The following COX4I1 variants were observed in gnomAD, a reference collection of about 807,000 sequenced individuals.
COX4I1 encodes the protein cytochrome c oxidase subunit 4 isoform 1, mitochondrial.
In COX4I1, 18 loss-of-function variants were observed where a neutral mutation model predicts 21.7. The ratio of observed to expected loss-of-function variants is 0.83; its 90% CI spans 0.57 to 1.23. The LOEUF (loss-of-function observed/expected upper bound fraction) is 1.23. Among genes scored for constraint, COX4I1 ranks in the 50% most tolerant of loss-of-function variants. The pLI is 0.00. For missense variants in COX4I1, 238 were observed against 220.7 expected (o/e 1.08, Z -0.50); for synonymous variants, 100 against 81.5 (o/e 1.23, Z -1.23).
rs769102627 is a variant in COX4I1 at position 85,806,897 on chromosome 16, C to T, written c.*23C>T. ...TGAGAGATGCTGGCCTGCGCCTGCA[C>T]CTGCGCCTGGCTCTGTCACCGCCAT... On this transcript the variant is annotated 3_prime_UTR_variant, in exon 5 of 5. Coordinates refer to ENST00000253452, the MANE Select transcript of COX4I1 (RefSeq NM_001861.6). 3.1e-6 allele frequency: 5 copies of T among 1,602,046 alleles called. No individual in the cohort carries two copies. In the South Asian group the frequency reaches 3.4e-5, roughly 11 times the overall value.
In COX4I1 at chr16:85,802,088, G is replaced by A. The variant is rs190440768; in HGVS notation, c.73+810G>A. Among the ~76,000 whole-genome samples the A allele has an allele frequency of 4.2e-3, 634 of 152,118 alleles. 5 individuals are homozygous for A. Among genetic ancestry groups the A allele is most frequent in the African/African-American group, 0.011 (470 of 41,492 alleles). ...TAGAGCTGGTCTTGCCTGCCTTTCC[G>A]ATCTTATTACTGACTGTTGTACTCA... is the stretch of plus-strand genomic sequence containing the variant. On this transcript the variant is annotated intron_variant, in intron 2 of 4. Coordinates refer to ENST00000253452, the MANE Select transcript of COX4I1 (RefSeq NM_001861.6).
In COX4I1 at chr16:85,799,810, G is replaced by A. The variant is rs1431737687; in HGVS notation, c.-2+58G>A. ...AGGCCGGGCCGGGTCGGGGGGCCGG[G>A]AGCCATCAAGTCTGCACGTCCGCAG... On this transcript the variant is annotated intron_variant, in intron 1 of 4. Coordinates refer to ENST00000253452, the MANE Select transcript of COX4I1 (RefSeq NM_001861.6). This position sits in a 1 kb window ranked among gnomAD's most constrained non-coding sequence, Gnocchi z 4.2. 6.5e-6 allele frequency: 1 copy of A among 153,066 alleles called. No homozygotes were observed. The highest frequency in any genetic ancestry group is 1.5e-5 in the Non-Finnish European group (1 of 68,786). The allele number at this position is 153,066 out of a possible 1,614,324, so 9.5% of individuals were successfully genotyped here. A position where few individuals can be genotyped will look rare whatever the true frequency, so the allele number is the denominator to read the frequency against.
At position 85,806,871 on chromosome 16, in the gene COX4I1, G is replaced by A; in HGVS notation, c.507G>A (p.Lys169=). Residue 169 remains lysine (K), a synonymous_variant, in exon 5 of 5, where the codon AAG becomes AAA. Transcript: ENST00000253452. ...ACTACGAAAAGAACGAGTGGAAGAA[G>A]TGAGAGATGCTGGCCTGCGCCTGCA... ...KWDYEKNEWK[K] The A allele has an allele frequency of 6.2e-7, 1 of 1,613,160 alleles. No homozygotes were observed. The highest frequency in any genetic ancestry group is 8.5e-7 in the Non-Finnish European group (1 of 1,179,408).
intron 3 of COX4I1, chr16:85,805,490 G>T: frequency 1.7e-6 from 1 of 582,944 alleles, no homozygotes; most frequent in Non-Finnish European, 3.0e-6. Context: ...AAATAATTTT[G>T]CAGTTTTAAT....
intron 2 of COX4I1, among the ~76,000 whole-genome samples, chr16:85,802,701 G>T (rs1905866428): frequency 6.6e-6 from 1 of 152,242 alleles, no homozygotes; most frequent in Admixed American, 6.5e-5. Flanking sequence ...TGTTGAAGCG[G>T]TGACAAACAT....
At chr16:85,804,872 G>A (rs1906046058) in intron 2 of COX4I1, 65 bp from the exon 3 acceptor site, 4 of 1,466,912 alleles carry the variant, frequency 2.7e-6, no homozygotes, top group Non-Finnish European at 3.7e-6. Flanking sequence ...GTTTTCAGAA[G>A]TATCACCTTG....
intron 2 of COX4I1, among the ~76,000 whole-genome samples, chr16:85,802,328 A>G (rs368935826): frequency 3.3e-5 from 5 of 152,326 alleles, no homozygotes; most frequent in East Asian, 3.9e-4. Flanking sequence ...GCTTTTCCTT[A>G]TAACACTGGA....
intron 4 of COX4I1, 141 bp downstream of exon 4, chr16:85,806,005 C>A: frequency 1.6e-6 from 2 of 1,240,388 alleles, no homozygotes; most frequent in Non-Finnish European, 2.3e-6. Flanking sequence ...GGATTGTTTC[C>A]AGGCCTTGGT....
chr16:85,806,348 G>C, intron 4 of COX4I1: 1 of 645,738 alleles, frequency 1.5e-6, no homozygotes, highest in Non-Finnish European at 2.8e-6. Context: ...GGTTCTTTCT[G>C]TCCAGGCAGA....
At chr16:85,806,517 T>C in intron 4 of COX4I1, 1 of 728,964 alleles carries the variant, frequency 1.4e-6, no homozygotes, top group Non-Finnish European at 2.4e-6. Context: ...GACCTTCTGC[T>C]TTTAGCTTAT....
intron 4 of COX4I1, 71 bp downstream of exon 4, chr16:85,805,935 G>A: frequency 6.3e-7 from 1 of 1,592,402 alleles, no homozygotes; most frequent in Non-Finnish European, 8.6e-7. Flanking sequence ...TTGGTGGGCT[G>A]TCGGGGACCT....
chr16:85,806,682 G>T, intron 4 of COX4I1, 56 bp from the exon 5 acceptor site: 1 of 1,613,732 alleles, frequency 6.2e-7, no homozygotes, highest in Non-Finnish European at 8.5e-7. Context: ...GTGAGGGATT[G>T]GCCTAGAAAC....
Position 85,805,118 on chromosome 16 carries a change from G to GT in COX4I1, c.241+14_241+15insT. ...AGAAAGTCGAGTGTGGGTATTGAAG[G>GT]GACCCACAGGCGCGCCCAGCAGCTC... On this transcript the variant is annotated intron_variant, in intron 3 of 4. Transcript: ENST00000253452. 1 of 1,605,276 alleles carries GT rather than the reference G, an allele frequency of 6.2e-7. No homozygotes were observed. The highest frequency in any genetic ancestry group is 8.5e-7 in the Non-Finnish European group (1 of 1,176,502).
intron 3 of COX4I1, 194 bp downstream of exon 3, chr16:85,805,298 G>A: frequency 3.4e-6 from 2 of 589,568 alleles, no homozygotes; most frequent in Non-Finnish European, 2.9e-6. Flanking sequence ...CCAGCTGACA[G>A]GATCTTTTGC....
intron 2 of COX4I1, among the ~76,000 whole-genome samples, chr16:85,802,525 C>T (rs1337111282): frequency 7.3e-6 from 1 of 136,238 alleles, no homozygotes; most frequent in Non-Finnish European, 1.6e-5. Context: ...GTAAGTCATA[C>T]ATGAATAATA....
intron 4 of COX4I1, chr16:85,806,475 G>T (rs573952529): frequency 1.4e-6 from 1 of 705,964 alleles, no homozygotes; most frequent in African/African-American, 1.7e-5. Context: ...GGCTCTGTTT[G>T]TCAGATCCTG....
At chr16:85,800,245 G>C (rs996240252) in intron 1 of COX4I1, among the ~76,000 whole-genome samples, 1 of 152,242 alleles carries the variant, frequency 6.6e-6, no homozygotes, top group African/African-American at 2.4e-5. Flanking sequence ...CGTCATGCTT[G>C]TTTATTCTGC....
Position 85,805,864 on chromosome 16 carries a change from G to A in COX4I1, c.373G>A (p.Val125Met). The A allele has an allele frequency of 6.2e-7, 1 of 1,614,188 alleles. No homozygotes were observed. The highest frequency in any genetic ancestry group is 8.5e-7 in the Non-Finnish European group (1 of 1,180,022). ...CGTTATCATGTGGCAGAAGCACTAT[G>A]GTGAGTAGAGAGGGAGGAAGGCATG... ...ALVIMWQKHY[V>M]YGPLPQSFDK... Residue 125 changes from valine (V) to methionine (M), a missense_variant and splice_region_variant, in exon 4 of 5, where the codon GTG (valine) becomes ATG (methionine). Physicochemically the swap from Val to Met is conservative, Grantham distance 21 (BLOSUM62 1). Coordinates refer to ENST00000253452, the MANE Select transcript of COX4I1 (RefSeq NM_001861.6).
chr16:85,801,919 G>GGTGAA (rs1905795264), intron 2 of COX4I1, among the ~76,000 whole-genome samples: 1 of 151,940 alleles, frequency 6.6e-6, no homozygotes, highest in Non-Finnish European at 1.5e-5. Context: ...ATCTGAAGAG[G>GGTGAA]GACGGATGGG....
Sources: gnomAD v4.1 joint callset for allele counts (sites outside exome capture counted in the v4.1 genomes callset) on GRCh38, gnomAD v4.1.1 for gene constraint, Gnocchi (gnomAD v3.1) non-coding constraint, MANE v1.5 for transcripts, NCBI Gene and HGNC (gene_info 2026-07-23, HGNC 2026-07-21) for gene names.